Variants in SGK1 observed in about 807,000 individuals in gnomAD.
SGK1 encodes the protein serine/threonine-protein kinase Sgk1.
SGK1 carries 26 observed loss-of-function variants against 64.2 expected under a neutral mutation model. The ratio of observed to expected loss-of-function variants is 0.40; its 90% CI spans 0.30 to 0.56. The LOEUF (loss-of-function observed/expected upper bound fraction) is 0.56. Ranked by LOEUF, SGK1 falls within the 20% of genes least tolerant of loss-of-function variation. The pLI, the probability that SGK1 is intolerant of heterozygous loss-of-function variation, is 0.38. For synonymous variants in SGK1, 265 were observed against 239.7 expected (o/e 1.11, Z -0.98); for missense variants, 519 against 645.6 (o/e 0.80, Z 2.12).
intron 2 of SGK1, among the ~76,000 whole-genome samples, chr6:134,249,775 G>A (rs772689718): frequency 6.6e-6 from 1 of 152,188 alleles, no homozygotes; most frequent in Non-Finnish European, 1.5e-5. Context: ...TGTTACATAG[G>A]TGGTCACTAC....
At chr6:134,181,059 C>T (rs754369715) in intron 3 of SGK1, among the ~76,000 whole-genome samples, 15 of 152,182 alleles carry the variant, frequency 9.9e-5, no homozygotes, top group African/African-American at 1.4e-4. Flanking sequence ...CTGGCCTGGT[C>T]GGCCTCCTCT....
intron 3 of SGK1, among the ~76,000 whole-genome samples, chr6:134,185,319 AC>A (rs929831703): frequency 3.3e-5 from 5 of 151,928 alleles, no homozygotes; most frequent in Admixed American, 1.3e-4. Flanking sequence ...ATTTAGCACA[AC>A]CCCCTTCTAC....
chr6:134,317,339 AG>A (rs1777701416), intron 1 of SGK1, 52 bp downstream of exon 1: 3 of 1,134,970 alleles, frequency 2.6e-6, no homozygotes, highest in Admixed American at 1.7e-5. Flanking sequence ...AACATTCAAA[AG>A]CATTTAAGAG....
chr6:134,317,503 C>G lies in SGK1; in HGVS notation c.-43G>C. 6 of 1,272,972 alleles carry G rather than the reference C, an allele frequency of 4.7e-6. No individual in the cohort carries two copies. Among genetic ancestry groups the G allele is most frequent in the Non-Finnish European group, 6.9e-6 (6 of 868,484 alleles). 78.9% of individuals were successfully genotyped at this position (1,272,972 alleles called of 1,614,324 possible). A position where few individuals can be genotyped will look rare whatever the true frequency, so the allele number is the denominator to read the frequency against. On this transcript the variant is annotated 5_prime_UTR_variant, in exon 1 of 14. Coordinates refer to ENST00000367858, the MANE Select transcript of SGK1 (RefSeq NM_001143676.3). ...TCACAGTTATAGATCCAGGTTGGCA[C>G]CCGCCTGGTTAGTGCATATCTGTTT...
intron 2 of SGK1, among the ~76,000 whole-genome samples, chr6:134,211,122 CA>C (rs58915130): frequency 0.064 from 7,394 of 115,328 alleles, 477 homozygotes; most frequent in African/African-American, 0.2. Context: ...GACTCTGTCT[CA>C]AAAAAAAAAA....
chr6:134,275,433 A>G (rs1777004743), intron 1 of SGK1, among the ~76,000 whole-genome samples: 1 of 152,156 alleles, frequency 6.6e-6, no homozygotes, highest in East Asian at 1.9e-4. Flanking sequence ...TAAACTCCTC[A>G]GTTTGGTTCC....
At chr6:134,241,099 G>T (rs1776440906) in intron 2 of SGK1, among the ~76,000 whole-genome samples, 1 of 147,082 alleles carries the variant, frequency 6.8e-6, no homozygotes, top group Non-Finnish European at 1.5e-5. Flanking sequence ...ACTCAGACTG[G>T]AGTGCAGTGG....
At chr6:134,190,023 T>C (rs1168499381) in intron 3 of SGK1, among the ~76,000 whole-genome samples, 1 of 152,042 alleles carries the variant, frequency 6.6e-6, no homozygotes, top group Non-Finnish European at 1.5e-5. Flanking sequence ...CTAATTTTTG[T>C]ATTTTTAGTA....
chr6:134,309,558 G>A (rs1239102839), intron 1 of SGK1, among the ~76,000 whole-genome samples: 1 of 152,190 alleles, frequency 6.6e-6, no homozygotes, highest in African/African-American at 2.4e-5. Context: ...GATTCACTGA[G>A]AGTGAGGTCC....
At chr6:134,297,484 T>C in intron 1 of SGK1, 1 of 612,596 alleles carries the variant, frequency 1.6e-6, no homozygotes, top group Admixed American at 2.0e-5. Flanking sequence ...AGCCAGCTGA[T>C]GTTCCGGTTC....
At position 134,271,895 on chromosome 6, in the gene SGK1, G is replaced by T. The variant is rs1338061825; in HGVS notation, c.70-9747C>A. Among the ~76,000 whole-genome samples, 4 of 147,350 alleles carry T rather than the reference G, an allele frequency of 2.7e-5. No homozygotes were observed. The Admixed American group carries it at 2.8e-4, about 10-fold the overall frequency. The stretch of plus-strand genomic sequence containing the variant: ...CTTGCTCTGTTGCCTAGGCTGGAGT[G>T]CAGTGATGCGATCTTGGCTCACTGC... On this transcript the variant is annotated intron_variant, in intron 1 of 13. Coordinates refer to ENST00000367858, the MANE Select transcript of SGK1 (RefSeq NM_001143676.3).
At chr6:134,227,943 CTTTTTTTTTTT>C (rs869082001) in intron 2 of SGK1, among the ~76,000 whole-genome samples, 1 of 69,730 alleles carries the variant, frequency 1.4e-5, no homozygotes, top group Non-Finnish European at 2.6e-5. Flanking sequence ...GGAATTCATT[CTTTTTTTTTTT>C]TTTTTTTTTT....
chr6:134,304,713 G>GAGAGAA (rs1284329488), intron 1 of SGK1, among the ~76,000 whole-genome samples: 27 of 151,662 alleles, frequency 1.8e-4, no homozygotes, highest in African/African-American at 6.3e-4. Flanking sequence ...GAGAGAGAGA[G>GAGAGAA]AGAGAAAGAG....
Position 134,174,459 on chromosome 6 carries a change from G to T in SGK1, c.437+52C>A, listed in dbSNP as rs55758956. 32,611 of 1,358,230 alleles carry T rather than the reference G, an allele frequency of 0.024. 585 individuals carry two copies. Among genetic ancestry groups the T allele is most frequent in the Non-Finnish European group, 0.026 (24,900 of 953,060 alleles). The allele number at this position is 1,358,230 out of a possible 1,614,324, so 84.1% of individuals were successfully genotyped here. On this transcript the variant is annotated intron_variant, in intron 4 of 13. Coordinates refer to ENST00000367858, the MANE Select transcript of SGK1 (RefSeq NM_001143676.3). ...AAACGCCGTGATGAGAATGTTTACCGCTGGCAAATTCAAACTATACTAGTT... is the reference window on the plus strand; with the variant it reads ...AAACGCCGTGATGAGAATGTTTACCTCTGGCAAATTCAAACTATACTAGTT...
chr6:134,185,910 C>T (rs948805085), intron 3 of SGK1, among the ~76,000 whole-genome samples: 2 of 152,070 alleles, frequency 1.3e-5, no homozygotes, highest in African/African-American at 4.8e-5. Flanking sequence ...AGTGAGTGAC[C>T]TACCCACGGT....
At chr6:134,225,351 G>GA (rs780987311) in intron 2 of SGK1, among the ~76,000 whole-genome samples, 28,177 of 97,398 alleles carry the variant, frequency 0.29, 5,051 homozygotes, top group African/African-American at 0.51. Context: ...ACTCCATCTC[G>GA]GAAAAAAAAA....
Position 134,228,992 on chromosome 6 carries a change from C to T in SGK1, c.286-21561G>A, listed in dbSNP as rs374583190. 1.5e-4 allele frequency among the ~76,000 whole-genome samples: 23 copies of T among 152,334 alleles called. No homozygotes were observed. The East Asian group carries it at 3.3e-3, about 22-fold the overall frequency. ...CTGAGTAGCTGGGACTACTGGCGCC[C>T]GCCACTGCGCCCAGCTAATGTTTTG... is the stretch of plus-strand genomic sequence containing the variant. On this transcript the variant is annotated intron_variant, in intron 2 of 13. Transcript: ENST00000367858.
At chr6:134,288,408 T>C (rs1383495756) in intron 1 of SGK1, among the ~76,000 whole-genome samples, 1 of 152,194 alleles carries the variant, frequency 6.6e-6, no homozygotes, top group African/African-American at 2.4e-5. Flanking sequence ...AGCTCTTTTG[T>C]GAGATCAGTA....
intron 3 of SGK1, among the ~76,000 whole-genome samples, chr6:134,187,971 G>A (rs1322766874): frequency 6.6e-6 from 1 of 152,168 alleles, no homozygotes; most frequent in Non-Finnish European, 1.5e-5. Flanking sequence ...TGGCAGATTG[G>A]GCACTCAGCA....
Sources: gnomAD v4.1 joint callset for allele counts (sites outside exome capture counted in the v4.1 genomes callset) on GRCh38, gnomAD v4.1.1 for gene constraint, MANE v1.5 for transcripts, NCBI Gene and HGNC (gene_info 2026-07-23, HGNC 2026-07-21) for gene names.